Variants in EIF3A observed in about 807,000 individuals in gnomAD.
EIF3A encodes the protein eukaryotic translation initiation factor 3 subunit A, also known as EIF3, p180 subunit.
Under a neutral mutation model 186.6 loss-of-function variants are expected in EIF3A, and 21 were observed. That is an observed-to-expected ratio of 0.11 (90% CI 0.08 to 0.16). The LOEUF (loss-of-function observed/expected upper bound fraction) is 0.16. EIF3A is among the 10% of genes least tolerant of loss of function. EIF3A has a pLI of 1.00. For missense variants in EIF3A, 1,306 were observed against 1,796.3 expected (o/e 0.73, Z 4.93); for synonymous variants, 563 against 584.3 (o/e 0.96, Z 0.52).
At chr10:119,060,120 A>T (rs1843860388) in intron 9 of EIF3A, 2 of 505,750 alleles carry the variant, frequency 4.0e-6, no homozygotes, top group Non-Finnish European at 7.8e-6. Flanking sequence ...AAAAGAAAGC[A>T]GGTCAATGAA....
At chr10:119,043,942 A>C (rs931642360) in intron 18 of EIF3A, 112 bp downstream of exon 18, 6 of 819,250 alleles carry the variant, frequency 7.3e-6, no homozygotes, top group Non-Finnish European at 1.2e-5. Flanking sequence ...ACATGCACAC[A>C]ATTCTTCATG....
chr10:119,079,144 TTAA>T (rs1464499526), intron 1 of EIF3A, among the ~76,000 whole-genome samples: 7 of 152,234 alleles, frequency 4.6e-5, no homozygotes, highest in African/African-American at 1.7e-4. Flanking sequence ...TTCCGATGTA[TTAA>T]TAAACATCCT....
At chr10:119,043,886 G>A (rs1564749932) in intron 18 of EIF3A, among the ~76,000 whole-genome samples, 168 bp downstream of exon 18, 3 of 152,158 alleles carry the variant, frequency 2.0e-5, no homozygotes, top group African/African-American at 7.2e-5. Flanking sequence ...ACCCCAGCCT[G>A]GGCAGCAGAC....
At chr10:119,048,230 G>T (rs186543226) in intron 17 of EIF3A, among the ~76,000 whole-genome samples, 19 of 151,928 alleles carry the variant, frequency 1.3e-4, no homozygotes, top group Admixed American at 2.6e-4. Context: ...AATCAAGCAG[G>T]CCACAACATA....
Position 119,037,263 on chromosome 10 carries a change from A to G in EIF3A, c.3775T>C (p.Trp1259Arg). ...RRGPAEESSS[W>R]RDSSRRDDRD... Reference sequence around the variant, plus strand: ...TCGTCCCGGCGACTTGAGTCTCTCCAGCTTGAAGATTCCTCAGCTGGTCCT... The same window carrying G: ...TCGTCCCGGCGACTTGAGTCTCTCCGGCTTGAAGATTCCTCAGCTGGTCCT... Residue 1259 changes from tryptophan to arginine, a missense_variant, in exon 21 of 22, where the codon TGG becomes CGG. By Grantham distance (101) the Trp-to-Arg change is moderately radical. Transcript: ENST00000369144. 6.2e-7 allele frequency: 1 copy of G among 1,614,024 alleles called. No homozygotes were observed. The highest frequency in any genetic ancestry group is 8.5e-7 in the Non-Finnish European group (1 of 1,180,002).
Position 119,069,581 on chromosome 10 carries a change from A to G in EIF3A, c.815T>C (p.Met272Thr), listed in dbSNP as rs1564759858. 1 of 1,599,432 alleles carries G rather than the reference A, an allele frequency of 6.3e-7. No homozygotes were observed. The highest frequency in any genetic ancestry group is 8.6e-7 in the Non-Finnish European group (1 of 1,166,652). ...LSKKPPKPQL[M>T]ANYYNKVSTV... ...TGAGACTTTGTTATAGTAATTTGCCATCAACTGAGGTTTAGGTGGTTTTTT... is the reference window on the plus strand; with the variant it reads ...TGAGACTTTGTTATAGTAATTTGCCGTCAACTGAGGTTTAGGTGGTTTTTT... Residue 272 changes from methionine (M) to threonine (T), a missense_variant, in exon 6 of 22, where the codon ATG (methionine) becomes ACG (threonine). Transcript: ENST00000369144.
intron 17 of EIF3A, among the ~76,000 whole-genome samples, chr10:119,049,287 A>G (rs749356610): frequency 6.6e-6 from 1 of 152,134 alleles, no homozygotes; most frequent in Admixed American, 6.5e-5. Context: ...TGGTGAAACC[A>G]TATTTCTAAT....
intron 1 of EIF3A, among the ~76,000 whole-genome samples, chr10:119,076,497 A>G (rs1268836013): frequency 6.7e-6 from 1 of 150,220 alleles, no homozygotes; most frequent in Non-Finnish European, 1.5e-5. Flanking sequence ...CAAAAAAAAA[A>G]CTTACTAAAT....
At chr10:119,050,142 A>C (rs947047625) in intron 16 of EIF3A, among the ~76,000 whole-genome samples, 157 bp from the exon 17 acceptor site, 2 of 152,170 alleles carry the variant, frequency 1.3e-5, no homozygotes, top group Non-Finnish European at 2.9e-5. Context: ...TAGTCAAGAA[A>C]ATAAGTACTA....
intron 17 of EIF3A, among the ~76,000 whole-genome samples, chr10:119,044,576 C>T (rs148464530): frequency 3.3e-5 from 5 of 152,288 alleles, no homozygotes; most frequent in Non-Finnish European, 2.9e-5. Flanking sequence ...GGGCCGGGCG[C>T]GGTGGCTCAC....
At chr10:119,048,462 G>A (rs1458956262) in intron 17 of EIF3A, among the ~76,000 whole-genome samples, 1 of 152,140 alleles carries the variant, frequency 6.6e-6, no homozygotes, top group Non-Finnish European at 1.5e-5. Flanking sequence ...TTTTGAACCT[G>A]AGTGCAATTA....
At chr10:119,077,231 A>G (rs1036344299) in intron 1 of EIF3A, among the ~76,000 whole-genome samples, 39 of 152,204 alleles carry the variant, frequency 2.6e-4, no homozygotes, top group African/African-American at 8.2e-4. Context: ...TTGGGAGGCT[A>G]AGGCGAGCAG....
chr10:119,078,924 T>C (rs1589699104), intron 1 of EIF3A, among the ~76,000 whole-genome samples: 1 of 152,128 alleles, frequency 6.6e-6, no homozygotes, highest in Admixed American at 6.5e-5. Context: ...TAGGCCATTA[T>C]AATGCTTTGG....
At chr10:119,055,136 G>A (rs1257488919) in intron 14 of EIF3A, among the ~76,000 whole-genome samples, 8 of 152,112 alleles carry the variant, frequency 5.3e-5, no homozygotes, top group East Asian at 1.9e-4. Context: ...TGAACCCGGC[G>A]GGGGCAGAGG....
intron 1 of EIF3A, among the ~76,000 whole-genome samples, chr10:119,078,045 G>T (rs889909908): frequency 1.3e-5 from 2 of 152,170 alleles, no homozygotes; most frequent in African/African-American, 2.4e-5. Flanking sequence ...ATTCATTACT[G>T]AAAGTATGTA....
rs901998364 is a variant in EIF3A, at chr10:119,042,217, T to A, written c.3303A>T (p.Arg1101=). 3 of 1,609,296 alleles carry A rather than the reference T, an allele frequency of 1.9e-6. No individual in the cohort carries two copies. Among genetic ancestry groups the A allele is most frequent in the Non-Finnish European group, 2.5e-6 (3 of 1,178,628 alleles). Residue 1101 remains arginine, a synonymous_variant, in exon 19 of 22, where the codon CGA becomes CGT. Coordinates refer to ENST00000369144, the MANE Select transcript of EIF3A (RefSeq NM_003750.4). This position sits in a 1 kb window ranked among gnomAD's most constrained non-coding sequence, Gnocchi z 7.8. ...TGGGACCCCGGTCATCATCCATGCC[T>A]CGCCTGGGACCCCGGTCATCATCCA... ...RGMDDDRGPR[R]GMDDDRGPRR...
chr10:119,057,818 TCA>T, intron 12 of EIF3A, 136 bp downstream of exon 12: 5 of 679,706 alleles, frequency 7.4e-6, no homozygotes, highest in Non-Finnish European at 1.3e-5. Flanking sequence ...ATATGCTTAC[TCA>T]CAGATTTAGT....
intron 9 of EIF3A, 113 bp downstream of exon 9, chr10:119,060,633 G>C: frequency 1.6e-6 from 1 of 639,384 alleles, no homozygotes; most frequent in Non-Finnish European, 2.6e-6. Context: ...ATTTTTGCCA[G>C]GGGCAGAACT....
chr10:119,057,377 TGA>T (rs1237539336), intron 12 of EIF3A, among the ~76,000 whole-genome samples: 1 of 152,224 alleles, frequency 6.6e-6, no homozygotes, highest in Non-Finnish European at 1.5e-5. Context: ...ATTCCACACC[TGA>T]CCCATGTGAC....
Sources: allele counts gnomAD v4.1 joint callset (sites outside exome capture counted in the v4.1 genomes callset), GRCh38; gene constraint gnomAD v4.1.1; non-coding constraint Gnocchi (gnomAD v3.1); transcripts MANE v1.5; gene names NCBI Gene and HGNC (gene_info 2026-07-23, HGNC 2026-07-21).